The following SUPT3H variants were observed in gnomAD, a reference collection of about 807,000 sequenced individuals.
SUPT3H encodes the protein SPT3 homolog, SAGA and STAGA complex component, also known as transcription initiation protein SPT3 homolog.
Under a neutral mutation model 44.3 loss-of-function variants are expected in SUPT3H, and 44 were observed. The ratio of observed to expected loss-of-function variants is 0.99; its 90% CI spans 0.78 to 1.28. The LOEUF is 1.28. Ranked by LOEUF, SUPT3H falls within the 50% of genes most tolerant of loss-of-function variation. SUPT3H has a pLI of 0.00. For missense variants in SUPT3H, 380 were observed against 387.1 expected (o/e 0.98, Z 0.15); for synonymous variants, 124 against 125.6 (o/e 0.99, Z 0.09).
At chr6:45,010,225 T>C (rs1239759370) in intron 5 of SUPT3H, among the ~76,000 whole-genome samples, 1 of 152,176 alleles carries the variant, frequency 6.6e-6, no homozygotes, top group Non-Finnish European at 1.5e-5. Context: ...TTAGTTGTAA[T>C]AGTTTTTATT....
At chr6:45,113,275 A>T (rs1290718165) in intron 2 of SUPT3H, among the ~76,000 whole-genome samples, 5 of 152,186 alleles carry the variant, frequency 3.3e-5, no homozygotes, top group Admixed American at 2.0e-4. Context: ...GAACACAGAC[A>T]TCATACTGTT....
At chr6:45,287,800 TAATC>T (rs1779567056) in intron 2 of SUPT3H, among the ~76,000 whole-genome samples, 1 of 152,184 alleles carries the variant, frequency 6.6e-6, no homozygotes, top group African/African-American at 2.4e-5. Flanking sequence ...ACAAGACCAT[TAATC>T]AATTTCAATA....
intron 4 of SUPT3H, among the ~76,000 whole-genome samples, chr6:45,018,983 C>G (rs1007275060): frequency 6.6e-6 from 1 of 151,902 alleles, no homozygotes; most frequent in South Asian, 2.1e-4. Flanking sequence ...GTCCTGGACT[C>G]TTTTTGGTTG....
intron 3 of SUPT3H, among the ~76,000 whole-genome samples, chr6:45,034,235 G>C (rs1428403922): frequency 6.6e-6 from 1 of 151,962 alleles, no homozygotes; most frequent in Non-Finnish European, 1.5e-5. Context: ...CCTGAAGCTG[G>C]AGGCTAGAGA....
intron 9 of SUPT3H, among the ~76,000 whole-genome samples, chr6:44,950,695 T>A (rs1203372249): frequency 6.6e-6 from 1 of 152,018 alleles, no homozygotes; most frequent in Non-Finnish European, 1.5e-5. Context: ...CTTATATGGT[T>A]AGTGCTCAAG....
At chr6:45,198,004 TG>T (rs1190526279) in intron 2 of SUPT3H, among the ~76,000 whole-genome samples, 2 of 151,242 alleles carry the variant, frequency 1.3e-5, no homozygotes, top group Non-Finnish European at 3.0e-5. Flanking sequence ...AACTTGATAA[TG>T]TTCCATCACT....
At chr6:45,220,158 C>G (rs1315306369) in intron 2 of SUPT3H, among the ~76,000 whole-genome samples, 1 of 146,946 alleles carries the variant, frequency 6.8e-6, no homozygotes, top group Admixed American at 6.8e-5. Context: ...TAAAACCAGA[C>G]AGAAAAAGAT....
intron 2 of SUPT3H, among the ~76,000 whole-genome samples, chr6:45,247,311 G>T (rs374259985): frequency 6.6e-6 from 1 of 152,160 alleles, no homozygotes; most frequent in South Asian, 2.1e-4. Context: ...CCTTCAGCTG[G>T]CATGTAAAAA....
chr6:45,113,016 G>A (rs1371385848), intron 2 of SUPT3H, among the ~76,000 whole-genome samples: 3 of 150,038 alleles, frequency 2.0e-5, no homozygotes, highest in Non-Finnish European at 4.4e-5. Flanking sequence ...TCCTACCCCA[G>A]GTAATTGACA....
At chr6:45,022,444 C>A in intron 3 of SUPT3H, among the ~76,000 whole-genome samples, 1 of 146,982 alleles carries the variant, frequency 6.8e-6, no homozygotes, top group East Asian at 2.0e-4. Context: ...ATTTTCAGAA[C>A]CAATACATGA....
chr6:45,036,162 T>C (rs1447837019), intron 3 of SUPT3H, among the ~76,000 whole-genome samples: 6 of 151,980 alleles, frequency 3.9e-5, no homozygotes, highest in Admixed American at 3.9e-4. Context: ...GGAGGACAAA[T>C]AATAAACAAC....
intron 9 of SUPT3H, among the ~76,000 whole-genome samples, chr6:44,938,811 A>G (rs879453989): frequency 6.6e-6 from 1 of 151,892 alleles, no homozygotes; most frequent in African/African-American, 2.4e-5. Context: ...ATATTACTAG[A>G]TATTTTGTTA....
At chr6:45,124,636 CAAA>C (rs66849102) in intron 2 of SUPT3H, among the ~76,000 whole-genome samples, 2 of 139,316 alleles carry the variant, frequency 1.4e-5, no homozygotes, top group Admixed American at 7.3e-5. Context: ...GACTCCATCT[CAAA>C]AAAAAAAAAA....
chr6:45,242,229 G>C (rs771731949), intron 2 of SUPT3H, among the ~76,000 whole-genome samples: 1 of 152,232 alleles, frequency 6.6e-6, no homozygotes, highest in African/African-American at 2.4e-5. Context: ...CCTTTCGTGT[G>C]TAGGTACTTT....
chr6:45,223,613 AT>A (rs1330788859), intron 2 of SUPT3H, among the ~76,000 whole-genome samples: 1 of 151,966 alleles, frequency 6.6e-6, no homozygotes, highest in African/African-American at 2.4e-5. Flanking sequence ...AATCTGATAT[AT>A]ATCTTCTCAA....
At chr6:44,894,833 C>T (rs996521591) in intron 10 of SUPT3H, among the ~76,000 whole-genome samples, 3 of 150,852 alleles carry the variant, frequency 2.0e-5, no homozygotes, top group African/African-American at 7.3e-5. Flanking sequence ...TTTCATAGGG[C>T]AATAATATAT....
At chr6:45,328,332 T>G in intron 2 of SUPT3H, 1 of 1,375,460 alleles carries the variant, frequency 7.3e-7, no homozygotes, top group Non-Finnish European at 9.7e-7. Context: ...AATGCTTCAT[T>G]CGCCTCACAA....
intron 2 of SUPT3H, among the ~76,000 whole-genome samples, chr6:45,303,549 AC>A (rs1392203916): frequency 2.0e-5 from 3 of 152,184 alleles, no homozygotes; most frequent in Non-Finnish European, 2.9e-5. Flanking sequence ...TAACTTTGAA[AC>A]AACCAATTTG....
chr6:44,991,771 A>G (rs1207224663), intron 6 of SUPT3H, among the ~76,000 whole-genome samples: 1 of 152,210 alleles, frequency 6.6e-6, no homozygotes, highest in Non-Finnish European at 1.5e-5. Context: ...ATGGATGCAC[A>G]TAAAGAAATG....
Sources: gnomAD v4.1 joint callset for allele counts (sites outside exome capture counted in the v4.1 genomes callset) on GRCh38, gnomAD v4.1.1 for gene constraint, MANE v1.5 for transcripts, NCBI Gene and HGNC (gene_info 2026-07-23, HGNC 2026-07-21) for gene names.